Variants in PTPRT observed in about 807,000 individuals in gnomAD.
PTPRT encodes receptor-type tyrosine-protein phosphatase T.
Under a neutral mutation model 176.8 loss-of-function variants are expected in PTPRT, and 56 were observed. The observed-to-expected ratio is 0.32, with a 90% CI of 0.26 to 0.40. The LOEUF is 0.40. Among genes scored for constraint, PTPRT ranks in the 10% least tolerant of loss-of-function variants. PTPRT has a pLI of 1.00. For missense variants in PTPRT, 1,540 were observed against 1,908.2 expected, an observed-to-expected ratio of 0.81 and a Z score of 3.60; for synonymous variants, 783 against 739.0, an observed-to-expected ratio of 1.06 and a Z score of -0.96.
intron 1 of PTPRT, among the ~76,000 whole-genome samples, chr20:43,057,835 T>C (rs996777607): frequency 6.6e-6 from 1 of 152,220 alleles, no homozygotes; most frequent in African/African-American, 2.4e-5. Context: ...ACCTTTGCCA[T>C]TAGTCACATG....
At position 42,276,547 on chromosome 20, in the gene PTPRT, ATATATATATAT is replaced by A. The variant is rs1568731860; in HGVS notation, c.2176+5931_2176+5941del. ...TATATATATATATATATATATATAT[ATATATATATAT>A]AATGTTCTTGAATACTTGGTAGAAA... On this transcript the variant is annotated intron_variant, in intron 13 of 30. Transcript: ENST00000373187. Among the ~76,000 whole-genome samples the A allele has an allele frequency of 6.8e-5, 5 of 73,850 alleles. 1 individual carries two copies. Among genetic ancestry groups the A allele is most frequent in the African/African-American group, 6.3e-5 (1 of 15,860 alleles). 48.4% of individuals were successfully genotyped at this position (73,850 alleles called of 152,430 possible).
chr20:43,188,390 T>G lies in PTPRT; in HGVS notation c.88+1256A>C, dbSNP rs557705269. Among the ~76,000 whole-genome samples, 776 of 152,262 alleles carry G rather than the reference T, an allele frequency of 5.1e-3. 7 individuals carry two copies. The highest frequency in any genetic ancestry group is 5.7e-3 in the Non-Finnish European group (390 of 68,032). ...AGAAGTCGCCTATTCCGCTTCCATT[T>G]TAGTACCAAGCAAGGAAGGCTCTAA... On this transcript the variant is annotated intron_variant, in intron 1 of 30. Transcript: ENST00000373187.
chr20:42,848,016 T>A (rs2078405856), intron 2 of PTPRT, among the ~76,000 whole-genome samples: 1 of 151,410 alleles, frequency 6.6e-6, no homozygotes, highest in African/African-American at 2.4e-5. Flanking sequence ...CCCAAAGTCA[T>A]TGTGTCATTC....
intron 2 of PTPRT, among the ~76,000 whole-genome samples, chr20:42,831,328 T>C (rs2078083416): frequency 6.6e-6 from 1 of 152,108 alleles, no homozygotes; most frequent in African/African-American, 2.4e-5. Context: ...TAGCCATATA[T>C]AGAAGATTGA....
chr20:42,216,075 G>C (rs897743434), intron 15 of PTPRT, among the ~76,000 whole-genome samples: 1 of 151,988 alleles, frequency 6.6e-6, no homozygotes, highest in East Asian at 1.9e-4. Context: ...GAGGCTTTAT[G>C]GCTATTTCCC....
intron 11 of PTPRT, among the ~76,000 whole-genome samples, chr20:42,316,856 G>C (rs1032117892): frequency 6.6e-6 from 1 of 152,174 alleles, no homozygotes; most frequent in Admixed American, 6.5e-5. Context: ...AGCCTGTCCA[G>C]ATATGTCCAG....
At chr20:42,761,771 T>G (rs2076919003) in intron 5 of PTPRT, among the ~76,000 whole-genome samples, 1 of 152,242 alleles carries the variant, frequency 6.6e-6, no homozygotes, top group African/African-American at 2.4e-5. Context: ...CAGGTCTTGC[T>G]GATGCTGCTG....
intron 2 of PTPRT, among the ~76,000 whole-genome samples, chr20:42,854,557 T>C (rs559009046): frequency 1.8e-4 from 27 of 152,310 alleles, no homozygotes; most frequent in Middle Eastern, 6.8e-3. Flanking sequence ...ACAGGCATGG[T>C]ACCTTGAAGC....
intron 7 of PTPRT, among the ~76,000 whole-genome samples, chr20:42,473,898 C>T (rs1422370941): frequency 6.6e-6 from 1 of 152,170 alleles, no homozygotes; most frequent in Non-Finnish European, 1.5e-5. Flanking sequence ...TAAATCAGTA[C>T]TTCTCCCCAT....
intron 11 of PTPRT, among the ~76,000 whole-genome samples, chr20:42,340,467 C>A (rs1352223105): frequency 6.6e-6 from 1 of 152,174 alleles, no homozygotes; most frequent in Admixed American, 6.5e-5. Flanking sequence ...TTGGTGGAGA[C>A]TCTAACTTTA....
intron 1 of PTPRT, among the ~76,000 whole-genome samples, chr20:43,173,242 A>G (rs927093799): frequency 1.4e-4 from 22 of 152,184 alleles, no homozygotes; most frequent in African/African-American, 5.3e-4. Flanking sequence ...CATGTTAGAA[A>G]CCAAGCATTA....
intron 9 of PTPRT, among the ~76,000 whole-genome samples, chr20:42,414,422 A>G (rs192072260): frequency 6.6e-6 from 1 of 152,362 alleles, no homozygotes; most frequent in African/African-American, 2.4e-5. Flanking sequence ...CAATTAAACA[A>G]GAGACTGAAA....
chr20:42,515,934 A>T (rs1169439155), intron 7 of PTPRT, among the ~76,000 whole-genome samples: 1 of 150,230 alleles, frequency 6.7e-6, no homozygotes, highest in Non-Finnish European at 1.5e-5. Flanking sequence ...ATAAAAAATG[A>T]TGAGTTCATG....
In PTPRT at chr20:42,987,717, C is replaced by T. The variant is rs534715969; in HGVS notation, c.89-101785G>A. On this transcript the variant is annotated intron_variant, in intron 1 of 30. Transcript: ENST00000373187. ...ACTGCAAACTTTGCTTCCTCCAAGC[C>T]ATCATCCCTGACACCCCCACACCAA... 1.5e-3 allele frequency among the ~76,000 whole-genome samples: 231 copies of T among 152,246 alleles called. 1 individual carries two copies. The highest frequency in any genetic ancestry group is 4.0e-3 in the Admixed American group (61 of 15,300).
At chr20:42,780,151 T>A in intron 4 of PTPRT, 67 bp downstream of exon 4, 1 of 1,249,790 alleles carries the variant, frequency 8.0e-7, no homozygotes, top group Non-Finnish European at 1.2e-6. Flanking sequence ...ATGGAAGGGA[T>A]TGCAGGCTCT....
chr20:42,408,333 A>G (rs552785662), intron 9 of PTPRT, among the ~76,000 whole-genome samples: 56 of 152,280 alleles, frequency 3.7e-4, no homozygotes, highest in African/African-American at 1.3e-3. Context: ...TCAATTTTAT[A>G]TGAGTATATA....
chr20:42,369,495 T>A (rs951683459), intron 9 of PTPRT, among the ~76,000 whole-genome samples: 1 of 151,976 alleles, frequency 6.6e-6, no homozygotes, highest in African/African-American at 2.4e-5. Flanking sequence ...TGTTATAGAG[T>A]CAATGGTGCT....
chr20:42,207,246 C>T (rs2055495090), intron 15 of PTPRT, among the ~76,000 whole-genome samples: 1 of 152,170 alleles, frequency 6.6e-6, no homozygotes, highest in South Asian at 2.1e-4. Flanking sequence ...TCTCCTCCTC[C>T]AAAGGAACAC....
In PTPRT at chr20:42,611,852, G is replaced by A. The variant is rs141005850; in HGVS notation, c.1153+66014C>T. Among the ~76,000 whole-genome samples the A allele has an allele frequency of 1.4e-4, 22 of 152,206 alleles. No individual in the cohort carries two copies. In the East Asian group the frequency reaches 3.9e-3, roughly 27 times the overall value. ...ATCCAGCCCCACTAGGCTCCACCTGGCTCCATAGCTATTTCACCCACCTCT... is the reference window on the plus strand; with the variant it reads ...ATCCAGCCCCACTAGGCTCCACCTGACTCCATAGCTATTTCACCCACCTCT... On this transcript the variant is annotated intron_variant, in intron 7 of 30. Transcript: ENST00000373187.
Sources: allele counts gnomAD v4.1 joint callset (sites outside exome capture counted in the v4.1 genomes callset), GRCh38; gene constraint gnomAD v4.1.1; transcripts MANE v1.5; gene names NCBI Gene and HGNC (gene_info 2026-07-23, HGNC 2026-07-21).